MAST2: variants seen among roughly 807,000 people sequenced by gnomAD.
MAST2 encodes microtubule-associated serine/threonine-protein kinase 2.
MAST2 carries 70 observed loss-of-function variants against 147.4 expected under a neutral mutation model. That is an observed-to-expected ratio of 0.47 (90% CI 0.39 to 0.58). The LOEUF (loss-of-function observed/expected upper bound fraction) is 0.58. MAST2 is among the 20% of genes least tolerant of loss of function. The pLI is 0.00. For synonymous variants in MAST2, 869 were observed against 896.8 expected, an observed-to-expected ratio of 0.97 and a Z score of 0.55; for missense variants, 2,080 against 2,302.3, an observed-to-expected ratio of 0.90 and a Z score of 1.98.
chr1:45,818,452 ATTG>A (rs1434088918), intron 1 of MAST2, among the ~76,000 whole-genome samples: 1 of 152,206 alleles, frequency 6.6e-6, no homozygotes, highest in African/African-American at 2.4e-5. Flanking sequence ...GAAGTGGTTC[ATTG>A]TTCTGTAGAA....
chr1:45,943,605 C>T (rs554085298), intron 4 of MAST2, among the ~76,000 whole-genome samples: 221 of 152,184 alleles, frequency 1.5e-3, no homozygotes, highest in Non-Finnish European at 2.2e-3. Flanking sequence ...ATTAGCTGGG[C>T]GTGGTGACGC....
Position 45,824,535 on chromosome 1 carries a change from G to C in MAST2, c.280G>C (p.Asp94His). 1.2e-6 allele frequency: 2 copies of C among 1,610,054 alleles called. No individual in the cohort carries two copies. The highest frequency in any genetic ancestry group is 1.3e-5 in the African/African-American group (1 of 74,982). The part of the protein sequence containing the change: ...KVKLQRQLSQ[D>H]DCKLWRGNLA... ...TAAACTTCAGCGACAACTGAGTCAG[G>C]ATGATTGTAAGTTATGGAGAGGAAA... is the stretch of plus-strand genomic sequence containing the variant. Residue 94 changes from aspartate (D) to histidine (H), a missense_variant, in exon 2 of 29, where the codon GAT (aspartate) becomes CAT (histidine). This residue lies in a region of MAST2 where 569 missense variants were observed against 642.5 expected (regional missense o/e 0.89). Coordinates refer to ENST00000361297, the MANE Select transcript of MAST2 (RefSeq NM_015112.3).
At chr1:45,876,913 C>T (rs1450461056) in intron 3 of MAST2, among the ~76,000 whole-genome samples, 1 of 152,174 alleles carries the variant, frequency 6.6e-6, no homozygotes, top group Non-Finnish European at 1.5e-5. Context: ...TGTAGTCTAC[C>T]ATATTACCCA....
At chr1:46,019,794 A>G in intron 11 of MAST2, 97 bp downstream of exon 11, 1 of 1,024,024 alleles carries the variant, frequency 9.8e-7, no homozygotes, top group Non-Finnish European at 1.5e-6. Flanking sequence ...AACCACTGCC[A>G]TTTCTGTTGC....
At chr1:45,909,877 G>A (rs558014464) in intron 4 of MAST2, among the ~76,000 whole-genome samples, 34 of 151,568 alleles carry the variant, frequency 2.2e-4, no homozygotes, top group African/African-American at 7.5e-4. Flanking sequence ...CAGTGGTGCC[G>A]TCTCGGCTCC....
chr1:45,929,260 T>C (rs1316505070), intron 4 of MAST2, among the ~76,000 whole-genome samples: 2 of 152,228 alleles, frequency 1.3e-5, no homozygotes, highest in Non-Finnish European at 2.9e-5. Flanking sequence ...CTTATTCGCA[T>C]TGACTCAGCT....
At chr1:45,980,884 G>T (rs1644379411) in intron 5 of MAST2, among the ~76,000 whole-genome samples, 1 of 152,080 alleles carries the variant, frequency 6.6e-6, no homozygotes, top group African/African-American at 2.4e-5. Context: ...AATAAGACCA[G>T]TTCAAATTGT....
At chr1:45,897,962 A>T (rs1278346184) in intron 4 of MAST2, among the ~76,000 whole-genome samples, 1 of 151,988 alleles carries the variant, frequency 6.6e-6, no homozygotes, top group African/African-American at 2.4e-5. Context: ...CAGAAAAATT[A>T]GCTGGGCATG....
At chr1:46,033,535 A>T (rs12124649) in intron 26 of MAST2, among the ~76,000 whole-genome samples, 13,743 of 152,130 alleles carry the variant, frequency 0.09, 848 homozygotes, top group Middle Eastern at 0.14. Flanking sequence ...ACTAAGGCCC[A>T]GGGATCCTTC....
At position 45,904,236 on chromosome 1, in the gene MAST2, G is replaced by A. The variant is rs1036915981; in HGVS notation, c.500+21841G>A. Among the ~76,000 whole-genome samples, 3 of 151,178 alleles carry A rather than the reference G, an allele frequency of 2.0e-5. No homozygotes were observed. The East Asian group carries it at 5.9e-4, about 30-fold the overall frequency. ...CCCCCAGGCTGGAGTGTGATGGCGT[G>A]ATCTCAGCTCACTGCCAACCTCTGC... On this transcript the variant is annotated intron_variant, in intron 4 of 28. Transcript: ENST00000361297.
intron 4 of MAST2, among the ~76,000 whole-genome samples, chr1:45,925,068 C>T (rs987093107): frequency 3.3e-5 from 5 of 152,128 alleles, no homozygotes; most frequent in African/African-American, 9.7e-5. Context: ...CTGCATTGCC[C>T]CAGAGTTGGA....
intron 5 of MAST2, among the ~76,000 whole-genome samples, chr1:45,985,993 G>T (rs568924437): frequency 1.4e-4 from 22 of 152,260 alleles, no homozygotes; most frequent in African/African-American, 5.3e-4. Context: ...AGATTCTGTT[G>T]TATTTTCTGG....
chr1:45,887,807 T>G (rs1481069627), intron 4 of MAST2, among the ~76,000 whole-genome samples: 1 of 152,234 alleles, frequency 6.6e-6, no homozygotes, highest in African/African-American at 2.4e-5. Context: ...CTTTCAAGAC[T>G]CTAAAGCCCA....
intron 1 of MAST2, among the ~76,000 whole-genome samples, chr1:45,805,767 CT>C (rs1557787728): frequency 6.6e-6 from 1 of 152,182 alleles, no homozygotes; most frequent in Non-Finnish European, 1.5e-5. Context: ...ATTTCATCCT[CT>C]TTTGTTTGCC....
At position 45,806,457 on chromosome 1, in the gene MAST2, T is replaced by C. The variant is rs78513181; in HGVS notation, c.177+2385T>C. ...CTCTGTCACCCACGCTGGAGTGTAG[T>C]GGTGCCGTCATAGCTCACGGCAGCC... On this transcript the variant is annotated intron_variant, in intron 1 of 28. Coordinates refer to ENST00000361297, the MANE Select transcript of MAST2 (RefSeq NM_015112.3). Among the ~76,000 whole-genome samples, 88 of 152,366 alleles carry C rather than the reference T, an allele frequency of 5.8e-4. No homozygotes were observed. The East Asian group carries it at 0.013, about 23-fold the overall frequency.
intron 5 of MAST2, among the ~76,000 whole-genome samples, chr1:45,980,688 C>G (rs1012214549): frequency 1.2e-4 from 19 of 152,184 alleles, no homozygotes; most frequent in South Asian, 8.3e-4. Context: ...GTGCGCACCA[C>G]TATGCCCAAC....
intron 3 of MAST2, among the ~76,000 whole-genome samples, chr1:45,859,022 A>T (rs1010769928): frequency 2.0e-5 from 3 of 152,160 alleles, no homozygotes; most frequent in Non-Finnish European, 4.4e-5. Flanking sequence ...GCCTTGTAGT[A>T]TAGTTTGAAG....
chr1:45,981,470 T>C (rs1644404844), intron 5 of MAST2, among the ~76,000 whole-genome samples: 1 of 152,112 alleles, frequency 6.6e-6, no homozygotes, highest in African/African-American at 2.4e-5. Context: ...TATAGGAGAA[T>C]CTGTGAGGTT....
chr1:45,842,336 C>G (rs1178209164), intron 3 of MAST2, among the ~76,000 whole-genome samples: 1 of 152,112 alleles, frequency 6.6e-6, no homozygotes, highest in African/African-American at 2.4e-5. Flanking sequence ...ACAAAATCAA[C>G]CATTTTAAAG....
Sources: gnomAD v4.1 joint callset for allele counts (sites outside exome capture counted in the v4.1 genomes callset) on GRCh38, gnomAD v4.1.1 for gene constraint, gnomAD v4.1.1 regional missense constraint, MANE v1.5 for transcripts, NCBI Gene and HGNC (gene_info 2026-07-23, HGNC 2026-07-21) for gene names.